The following NPY2R variants were observed in gnomAD, a reference collection of about 807,000 sequenced individuals.
The protein encoded by NPY2R is neuropeptide Y receptor Y2, also known as neuropeptide Y receptor type 2.
A neutral mutation model predicts 22.3 loss-of-function variants in NPY2R; 17 were observed. The observed-to-expected ratio is 0.76, with a 90% confidence interval of 0.52 to 1.14. NPY2R has a LOEUF of 1.14. Ranked by LOEUF, NPY2R falls within the 50% of genes most tolerant of loss-of-function variation. The probability of loss-of-function intolerance (pLI) is 0.00; values close to 1 mark genes in which losing one functional copy is unlikely to be tolerated. For missense variants in NPY2R, 424 were observed against 467.9 expected (o/e 0.91, Z 0.87); for synonymous variants, 209 against 183.4 (o/e 1.14, Z -1.13).
chr4:155,186,773 C>T, the NPY2R span, among the ~76,000 whole-genome samples: 1 of 152,156 alleles, frequency 6.6e-6, no homozygotes, highest in Non-Finnish European at 1.5e-5. Flanking sequence ...CACTGTTTTA[C>T]TCCCTGTTTC....
the NPY2R span, among the ~76,000 whole-genome samples, chr4:155,200,296 C>CT: frequency 6.6e-6 from 1 of 152,140 alleles, no homozygotes. Context: ...CAAATCAAAA[C>CT]CACAGTGAGA....
the NPY2R span, among the ~76,000 whole-genome samples, chr4:155,193,109 T>C: frequency 2.4e-4 from 37 of 151,862 alleles, no homozygotes; most frequent in African/African-American, 8.9e-4. Flanking sequence ...AGGCAAGATG[T>C]CCATTCAATA....
At chr4:155,185,005 A>T in the NPY2R span, among the ~76,000 whole-genome samples, 1 of 148,188 alleles carries the variant, frequency 6.7e-6, no homozygotes, top group Admixed American at 6.8e-5. Flanking sequence ...GGAATGAGAG[A>T]GAGTAAAAAT....
chr4:155,175,191 A>C, the NPY2R span, among the ~76,000 whole-genome samples: 2 of 152,106 alleles, frequency 1.3e-5, no homozygotes, highest in South Asian at 4.2e-4. Context: ...TACCATTTGC[A>C]AAAAAACAAG....
the NPY2R span, among the ~76,000 whole-genome samples, chr4:155,201,234 CAGAAG>C: frequency 6.6e-6 from 1 of 152,038 alleles, no homozygotes; most frequent in African/African-American, 2.4e-5. Flanking sequence ...AAAGGATCAG[CAGAAG>C]AGATGTTCTG....
chr4:155,180,420 AC>A, the NPY2R span, among the ~76,000 whole-genome samples: 1 of 152,210 alleles, frequency 6.6e-6, no homozygotes, highest in Admixed American at 6.5e-5. Flanking sequence ...ATGATTTTCT[AC>A]ATCTTCCCTC....
the NPY2R span, among the ~76,000 whole-genome samples, chr4:155,200,380 A>T: frequency 6.6e-6 from 1 of 151,908 alleles, no homozygotes; most frequent in Non-Finnish European, 1.5e-5. Flanking sequence ...AGCTGTGGAA[A>T]ATAGGAACAC....
At chr4:155,188,221 C>T in the NPY2R span, among the ~76,000 whole-genome samples, 1 of 152,106 alleles carries the variant, frequency 6.6e-6, no homozygotes, top group Non-Finnish European at 1.5e-5. Flanking sequence ...ATGACCATGT[C>T]CAAAGCTTGA....
the NPY2R span, among the ~76,000 whole-genome samples, chr4:155,201,332 A>G: frequency 6.6e-6 from 1 of 152,206 alleles, no homozygotes; most frequent in East Asian, 1.9e-4. Flanking sequence ...TCTCTTTGGA[A>G]AGCTAAAATC....
At chr4:155,201,223 C>CA in the NPY2R span, among the ~76,000 whole-genome samples, 3 of 151,968 alleles carry the variant, frequency 2.0e-5, no homozygotes, top group Non-Finnish European at 4.4e-5. Context: ...TTGTTTCCCC[C>CA]AAAGGATCAG....
At chr4:155,182,178 A>G in the NPY2R span, among the ~76,000 whole-genome samples, 1 of 152,170 alleles carries the variant, frequency 6.6e-6, no homozygotes, top group Non-Finnish European at 1.5e-5. Context: ...CTCGATTCCA[A>G]CCACATTGCT....
the NPY2R span, among the ~76,000 whole-genome samples, chr4:155,174,503 T>A: frequency 6.9e-6 from 1 of 145,276 alleles, no homozygotes; most frequent in Admixed American, 6.9e-5. Context: ...TTTAAATCTC[T>A]ACTTTAAAAT....
chr4:155,191,718 A>G, the NPY2R span, among the ~76,000 whole-genome samples: 1 of 151,822 alleles, frequency 6.6e-6, no homozygotes, highest in Non-Finnish European at 1.5e-5. Flanking sequence ...TTAACCATGC[A>G]TTTTACTTTG....
chr4:155,182,113 G>C, the NPY2R span, among the ~76,000 whole-genome samples: 2 of 152,046 alleles, frequency 1.3e-5, no homozygotes, highest in Non-Finnish European at 2.9e-5. Flanking sequence ...GGCTCCTCAA[G>C]ACTAAAAGAG....
the NPY2R span, among the ~76,000 whole-genome samples, chr4:155,190,916 T>C: frequency 6.6e-6 from 1 of 151,996 alleles, no homozygotes; most frequent in Non-Finnish European, 1.5e-5. Flanking sequence ...CTGTTTGTGT[T>C]TCTCACTATA....
chr4:155,211,754 G>A (rs974963147), intron 1 of NPY2R, among the ~76,000 whole-genome samples: 2 of 152,194 alleles, frequency 1.3e-5, no homozygotes, highest in Admixed American at 6.5e-5. Context: ...ACCAAGAGCA[G>A]GAAGTCATTA....
At chr4:155,207,567 A>C (rs1030372461), upstream of NPY2R, 1 of 152,272 alleles carries the variant, frequency 6.6e-6, no homozygotes, top group Non-Finnish European at 1.5e-5. Flanking sequence ...CTGGCTGCAA[A>C]CTTTTAGAAG....
the NPY2R span, among the ~76,000 whole-genome samples, chr4:155,189,589 G>A: frequency 1.3e-5 from 2 of 151,842 alleles, no homozygotes; most frequent in East Asian, 3.9e-4. Context: ...TTTTAAAGTA[G>A]CATTTTTATA....
chr4:155,189,711 T>G, the NPY2R span, among the ~76,000 whole-genome samples: 4 of 151,950 alleles, frequency 2.6e-5, no homozygotes, highest in African/African-American at 9.7e-5. Context: ...GCTTATAAAA[T>G]GCCATACATA....
Sources: gnomAD v4.1 joint callset for allele counts (sites outside exome capture counted in the v4.1 genomes callset) on GRCh38, gnomAD v4.1.1 for gene constraint, MANE v1.5 for transcripts, NCBI Gene and HGNC (gene_info 2026-07-23, HGNC 2026-07-21) for gene names.